MAGI2: variants seen among roughly 807,000 people sequenced by gnomAD.
MAGI2 encodes the protein membrane associated guanylate kinase, WW and PDZ domain containing 2, also known as membrane-associated guanylate kinase, WW and PDZ domain-containing protein 2.
In MAGI2, 35 loss-of-function variants were observed where a neutral mutation model predicts 133.3. That is an observed-to-expected ratio of 0.26 (90% CI 0.20 to 0.35). The LOEUF is 0.35. Among genes scored for constraint, MAGI2 ranks in the 10% least tolerant of loss-of-function variants. The pLI is 1.00. For synonymous variants in MAGI2, 729 were observed against 710.6 expected (o/e 1.03, Z -0.41); for missense variants, 1,636 against 1,863.4 (o/e 0.88, Z 2.25).
intron 1 of MAGI2, among the ~76,000 whole-genome samples, chr7:79,152,756 G>A (rs1000138136): frequency 6.6e-6 from 1 of 152,176 alleles, no homozygotes; most frequent in Admixed American, 6.5e-5. Flanking sequence ...TAGAGGTGGA[G>A]TCCATCCTTA....
At position 78,521,456 on chromosome 7, in the gene MAGI2, T is replaced by C. The variant is rs1170668811; in HGVS notation, c.728A>G (p.Asn243Ser). 3 of 1,614,060 alleles carry C rather than the reference T, an allele frequency of 1.9e-6. No individual in the cohort carries two copies. Among genetic ancestry groups the C allele is most frequent in the East Asian group, 2.2e-5 (1 of 44,886 alleles). The change falls in exon 4 of 22, where the codon AAT becomes AGT. Residue 243 changes from asparagine (N) to serine (S), a missense_variant. Transcript: ENST00000354212. ...TGGTGTTACTACTACTCCATTTCCA[T>C]TGACCACAGGCCTCTCTTCCTCTTC... ...EEEEEERPVV[N>S]GNGVVVTPES...
intron 4 of MAGI2, among the ~76,000 whole-genome samples, chr7:78,505,984 G>A (rs1354412342): frequency 6.6e-6 from 1 of 151,942 alleles, no homozygotes; most frequent in African/African-American, 2.4e-5. Context: ...TATCAGGCAT[G>A]CTCAGGATTT....
At chr7:78,338,294 C>G (rs1249417979) in intron 9 of MAGI2, among the ~76,000 whole-genome samples, 2 of 152,152 alleles carry the variant, frequency 1.3e-5, no homozygotes, top group African/African-American at 4.8e-5. Flanking sequence ...TACTGTGCCT[C>G]TCTGCATGTG....
chr7:78,169,787 C>T (rs952571368), intron 14 of MAGI2, among the ~76,000 whole-genome samples: 3 of 152,238 alleles, frequency 2.0e-5, no homozygotes, highest in Non-Finnish European at 4.4e-5. Context: ...ACTGGCTGCA[C>T]AGTGCAGTTC....
intron 2 of MAGI2, among the ~76,000 whole-genome samples, chr7:78,692,173 G>A (rs1817034199): frequency 6.6e-6 from 1 of 152,132 alleles, no homozygotes; most frequent in African/African-American, 2.4e-5. Flanking sequence ...TACATGGATG[G>A]ATATCATGCT....
chr7:79,323,443 G>A (rs919255704), intron 1 of MAGI2, among the ~76,000 whole-genome samples: 2 of 152,110 alleles, frequency 1.3e-5, no homozygotes, highest in African/African-American at 4.8e-5. Flanking sequence ...TGTGAGAGGC[G>A]AGGGCAGAGT....
At chr7:79,069,062 G>T (rs867936002) in intron 1 of MAGI2, among the ~76,000 whole-genome samples, 3 of 151,850 alleles carry the variant, frequency 2.0e-5, no homozygotes, top group Admixed American at 6.6e-5. Flanking sequence ...GTGCTGAGAA[G>T]AATGTATATT....
intron 1 of MAGI2, among the ~76,000 whole-genome samples, chr7:79,381,076 A>G (rs904782746): frequency 1.3e-5 from 2 of 151,678 alleles, no homozygotes; most frequent in Non-Finnish European, 1.5e-5. Flanking sequence ...ATCTCAAATC[A>G]CCAGTTTGGC....
At chr7:78,432,268 C>T (rs1470654150) in intron 6 of MAGI2, among the ~76,000 whole-genome samples, 2 of 150,712 alleles carry the variant, frequency 1.3e-5, no homozygotes, top group Non-Finnish European at 3.0e-5. Flanking sequence ...TACTTGGCCT[C>T]ACAAAAATAG....
At chr7:79,211,466 GT>G (rs540204865) in intron 1 of MAGI2, among the ~76,000 whole-genome samples, 5,419 of 142,984 alleles carry the variant, frequency 0.038, 152 homozygotes, top group African/African-American at 0.068. Context: ...TTTCTTTTTT[GT>G]TTTTTTTTTT....
At chr7:79,300,625 G>A (rs1837319093) in intron 1 of MAGI2, among the ~76,000 whole-genome samples, 1 of 152,162 alleles carries the variant, frequency 6.6e-6, no homozygotes, top group African/African-American at 2.4e-5. Context: ...GCCTGGTCAT[G>A]TATCAGAAAA....
At chr7:78,958,139 T>C (rs1221993594) in intron 2 of MAGI2, among the ~76,000 whole-genome samples, 4 of 152,152 alleles carry the variant, frequency 2.6e-5, no homozygotes, top group Admixed American at 2.6e-4. Context: ...CCTGCTCTCC[T>C]GTTTATTTCC....
intron 2 of MAGI2, among the ~76,000 whole-genome samples, chr7:78,689,128 T>C (rs919130054): frequency 6.6e-6 from 1 of 152,204 alleles, no homozygotes; most frequent in African/African-American, 2.4e-5. Flanking sequence ...CCATAATTTG[T>C]GGAATTAGAG....
At chr7:78,641,684 C>T (rs1334812648) in intron 2 of MAGI2, among the ~76,000 whole-genome samples, 2 of 152,022 alleles carry the variant, frequency 1.3e-5, no homozygotes, top group South Asian at 4.1e-4. Context: ...TGTAACATTT[C>T]ATGTGTCAAT....
rs372575468 is a variant in MAGI2 at position 78,458,697 on chromosome 7, C to T, written c.1045+31064G>A. Reference sequence around the variant, plus strand: ...TTACCCAGGCTGGAGTGCAGTGGCACGATCTCGGCTCAGTGCAAGCTCCGC... The same window carrying T: ...TTACCCAGGCTGGAGTGCAGTGGCATGATCTCGGCTCAGTGCAAGCTCCGC... On this transcript the variant is annotated intron_variant, in intron 6 of 21. Transcript: ENST00000354212. Among the ~76,000 whole-genome samples, 12 of 151,058 alleles carry T rather than the reference C, an allele frequency of 7.9e-5. 1 individual carries two copies. The Middle Eastern group carries it at 0.014, about 172-fold the overall frequency.
chr7:78,234,939 C>T (rs947994371), intron 10 of MAGI2, among the ~76,000 whole-genome samples: 2 of 152,012 alleles, frequency 1.3e-5, no homozygotes, highest in African/African-American at 2.4e-5. Context: ...AAATTTATTA[C>T]AGTATAGTGG....
chr7:78,714,003 T>A (rs1345709058), intron 2 of MAGI2, among the ~76,000 whole-genome samples: 1 of 150,238 alleles, frequency 6.7e-6, no homozygotes, highest in East Asian at 2.0e-4. Flanking sequence ...CACATTCTTT[T>A]TTTTTTCCAC....
chr7:78,549,239 C>T (rs940380418), intron 3 of MAGI2, among the ~76,000 whole-genome samples: 1 of 152,008 alleles, frequency 6.6e-6, no homozygotes, highest in African/African-American at 2.4e-5. Flanking sequence ...CCTGCTATTC[C>T]CAGCTAGGCT....
intron 2 of MAGI2, among the ~76,000 whole-genome samples, chr7:78,872,622 T>A (rs557164040): frequency 6.6e-6 from 1 of 152,004 alleles, no homozygotes; most frequent in East Asian, 1.9e-4. Flanking sequence ...TTACTGAGTT[T>A]TTTTTTTTTT....
Sources: allele counts gnomAD v4.1 joint callset (sites outside exome capture counted in the v4.1 genomes callset), GRCh38; gene constraint gnomAD v4.1.1; transcripts MANE v1.5; gene names NCBI Gene and HGNC (gene_info 2026-07-23, HGNC 2026-07-21).